Variants in TASP1 observed in about 807,000 individuals in gnomAD.
TASP1 encodes the protein taspase 1, also known as threonine aspartase 1.
Under a neutral mutation model 56.6 loss-of-function variants are expected in TASP1, and 16 were observed. That is an observed-to-expected ratio of 0.28 (90% confidence interval 0.19 to 0.43). The LOEUF is 0.43. Among genes scored for constraint, TASP1 ranks in the 20% least tolerant of loss-of-function variants. The pLI is 1.00. For missense variants in TASP1, 393 were observed against 511.6 expected (o/e 0.77, Z 2.24); for synonymous variants, 179 against 184.2 (o/e 0.97, Z 0.23).
chr20:13,536,065 G>A (rs550005803), intron 8 of TASP1, among the ~76,000 whole-genome samples: 7 of 152,204 alleles, frequency 4.6e-5, no homozygotes, highest in African/African-American at 1.2e-4. Flanking sequence ...TTGCAATCTT[G>A]GGTAGAGAAG....
Position 13,580,985 on chromosome 20 carries a change from T to TAAAA in TASP1, c.404-8_404-5dup, listed in dbSNP as rs71334133. The TAAAA allele has an allele frequency of 1.4e-3, 2,103 of 1,462,962 alleles. No homozygotes were observed. Among genetic ancestry groups the TAAAA allele is most frequent in the South Asian group, 2.2e-3 (170 of 77,678 alleles). The allele number at this position is 1,462,962 out of a possible 1,614,324, so 90.6% of individuals were successfully genotyped here. A position where few individuals can be genotyped will look rare whatever the true frequency, so the allele number is the denominator to read the frequency against. ...ACCGAGACTGGGTTCTTGATTCCTA[T>TAAAA]AAAAAAAAAAAAAAAATTGGCAAAA... On this transcript the variant is annotated splice_region_variant and splice_polypyrimidine_tract_variant and intron_variant, in intron 5 of 13. Transcript: ENST00000337743.
intron 12 of TASP1, among the ~76,000 whole-genome samples, chr20:13,424,598 G>A (rs777627099): frequency 1.1e-4 from 17 of 151,924 alleles, no homozygotes; most frequent in South Asian, 2.1e-4. Flanking sequence ...CTGTGAAAGC[G>A]CTGGCTATAA....
chr20:13,407,281 A>G (rs1370116582), intron 13 of TASP1, among the ~76,000 whole-genome samples: 1 of 152,098 alleles, frequency 6.6e-6, no homozygotes, highest in Non-Finnish European at 1.5e-5. Flanking sequence ...CCTTATCTCT[A>G]TGGATTTTCC....
chr20:13,241,510 G>T, the TASP1 span, among the ~76,000 whole-genome samples: 1 of 152,118 alleles, frequency 6.6e-6, no homozygotes, highest in Admixed American at 6.5e-5. Flanking sequence ...ACAGAAGCAG[G>T]AAAGCTTGTT....
the TASP1 span, among the ~76,000 whole-genome samples, chr20:13,160,769 G>A: frequency 6.6e-6 from 1 of 152,184 alleles, no homozygotes; most frequent in African/African-American, 2.4e-5. Flanking sequence ...TCTAGGAGAA[G>A]ATGCTAATAA....
At chr20:13,172,141 A>C in the TASP1 span, among the ~76,000 whole-genome samples, 1 of 152,148 alleles carries the variant, frequency 6.6e-6, no homozygotes, top group Admixed American at 6.5e-5. Context: ...TTGAGAAAGC[A>C]TTATAATCCC....
the TASP1 span, among the ~76,000 whole-genome samples, chr20:13,313,255 G>T: frequency 6.6e-6 from 1 of 152,120 alleles, no homozygotes; most frequent in Non-Finnish European, 1.5e-5. Flanking sequence ...CCCCCCACAC[G>T]CACCTGTTAA....
chr20:13,208,748 TG>T, the TASP1 span, among the ~76,000 whole-genome samples: 1 of 152,220 alleles, frequency 6.6e-6, no homozygotes, highest in African/African-American at 2.4e-5. Flanking sequence ...GGAACAGAGC[TG>T]TTTTGTCCCA....
At chr20:13,258,089 T>C in the TASP1 span, among the ~76,000 whole-genome samples, 1 of 152,162 alleles carries the variant, frequency 6.6e-6, no homozygotes, top group African/African-American at 2.4e-5. Flanking sequence ...GGTGGTATTA[T>C]AGCTGCTATT....
intron 13 of TASP1, among the ~76,000 whole-genome samples, chr20:13,402,145 C>T (rs750573974): frequency 3.9e-5 from 6 of 152,194 alleles, no homozygotes; most frequent in Non-Finnish European, 7.4e-5. Flanking sequence ...ATTCGCACCT[C>T]TGGGAAGACT....
the TASP1 span, chr20:13,299,483 C>T: frequency 5.1e-6 from 8 of 1,573,600 alleles, no homozygotes; most frequent in Admixed American, 1.2e-4. The surrounding 1 kb of genome is among the most constrained non-coding windows in gnomAD (Gnocchi z 5.8). Context: ...AGGTGGAGGA[C>T]GCTGCCTCTG....
the TASP1 span, among the ~76,000 whole-genome samples, chr20:13,174,534 C>CA: frequency 1.3e-5 from 2 of 151,860 alleles, no homozygotes; most frequent in East Asian, 3.9e-4. Flanking sequence ...CCCATATCTA[C>CA]AAAAAATTTA....
At chr20:13,260,243 C>T in the TASP1 span, among the ~76,000 whole-genome samples, 53 of 152,248 alleles carry the variant, frequency 3.5e-4, no homozygotes, top group African/African-American at 1.2e-3. Flanking sequence ...TTTACAGTGT[C>T]GGGGGGTCCT....
the TASP1 span, among the ~76,000 whole-genome samples, chr20:13,118,715 A>T: frequency 1.3e-5 from 2 of 152,210 alleles, no homozygotes; most frequent in Non-Finnish European, 2.9e-5. Context: ...AGTGGTATCA[A>T]CAAAAATCCC....
the TASP1 span, among the ~76,000 whole-genome samples, chr20:13,362,808 A>AATATATATATATACATATATATATATAT: frequency 8.7e-6 from 1 of 114,776 alleles, no homozygotes; most frequent in Non-Finnish European, 1.9e-5. Flanking sequence ...AATAGCAAGA[A>AATATATATATATACATATATATATATAT]ATATATATAT....
the TASP1 span, among the ~76,000 whole-genome samples, chr20:13,316,610 T>G: frequency 6.6e-6 from 1 of 151,874 alleles, no homozygotes; most frequent in Admixed American, 6.6e-5. Context: ...GGATTTATCC[T>G]AGATATGCAA....
intron 11 of TASP1, among the ~76,000 whole-genome samples, chr20:13,458,235 T>C (rs2043918424): frequency 6.6e-6 from 1 of 152,202 alleles, no homozygotes. Context: ...GAGCAAGTTC[T>C]ACACATTCAA....
the TASP1 span, among the ~76,000 whole-genome samples, chr20:13,293,649 C>A: frequency 3.3e-5 from 5 of 152,168 alleles, no homozygotes; most frequent in East Asian, 7.7e-4. Context: ...ATAAGAAAGT[C>A]TGGAGGAAAA....
intron 13 of TASP1, chr20:13,393,094 A>AT: frequency 1.6e-6 from 1 of 621,340 alleles, no homozygotes; most frequent in Non-Finnish European, 3.0e-6. Context: ...GAGAAGTATG[A>AT]CAACAGTCTC....
Sources: gnomAD v4.1 joint callset for allele counts (sites outside exome capture counted in the v4.1 genomes callset) on GRCh38, gnomAD v4.1.1 for gene constraint, Gnocchi (gnomAD v3.1) non-coding constraint, MANE v1.5 for transcripts, NCBI Gene and HGNC (gene_info 2026-07-23, HGNC 2026-07-21) for gene names.